The following TAS2R14 variants were observed in gnomAD, a reference collection of about 807,000 sequenced individuals.
The protein encoded by TAS2R14 is taste 2 receptor member 14, also known as taste receptor type 2 member 14.
For missense variants in TAS2R14, 383 were observed against 372.0 expected (o/e 1.03, Z -0.24); for synonymous variants, 131 against 131.0 (o/e 1.00, Z 0.00).
At chr12:10,938,848 G>C (rs1383613432) in exon 1 of TAS2R14, 1 of 1,613,614 alleles carries the variant, frequency 6.2e-7, no homozygotes, top group East Asian at 2.2e-5. Flanking sequence ...ACTTTAGGTA[G>C]AGAAAAATAG....
At chr12:10,938,430 T>A (rs762107197) in exon 1 of TAS2R14, 2 of 1,613,964 alleles carry the variant, frequency 1.2e-6, no homozygotes, top group East Asian at 2.2e-5. Flanking sequence ...ATAATTAGAT[T>A]TTCCTCCAAC....
At chr12:10,939,165 C>G in exon 1 of TAS2R14, 2 of 1,600,066 alleles carry the variant, frequency 1.2e-6, no homozygotes, top group Non-Finnish European at 1.7e-6. Flanking sequence ...ATAAATTCCA[C>G]AATTAAAACG....
chr12:10,938,199 A>C (rs1950321365), exon 1 of TAS2R14: 2 of 1,197,208 alleles, frequency 1.7e-6, no homozygotes, highest in African/African-American at 1.5e-5. Flanking sequence ...TTAAGGAAGT[A>C]TAAATTTATA....
chr12:10,938,516 T>C, exon 1 of TAS2R14: 1 of 1,614,062 alleles, frequency 6.2e-7, no homozygotes, highest in Non-Finnish European at 8.5e-7. Context: ...GATCACACTT[T>C]TAACTCCTCT....
chr12:10,937,829 T>C (rs1193726950), exon 1 of TAS2R14: 1 of 153,696 alleles, frequency 6.5e-6, no homozygotes, highest in East Asian at 1.9e-4. Flanking sequence ...TACTAAATAT[T>C]ATACAAAAAT....
chr12:10,937,510 GAGTC>G (rs1405335627), exon 1 of TAS2R14: 2 of 152,036 alleles, frequency 1.3e-5, no homozygotes, highest in African/African-American at 4.8e-5. Flanking sequence ...CTCAAAGCTA[GAGTC>G]AGTATTACGT....
chr12:10,938,901 G>C (rs772575816), exon 1 of TAS2R14: 12 of 1,613,824 alleles, frequency 7.4e-6, no homozygotes, highest in Non-Finnish European at 8.5e-6. Flanking sequence ...AAAGTACCGA[G>C]GCCTGTAGCT....
exon 1 of TAS2R14, chr12:10,938,340 C>T (rs751846547): frequency 2.9e-5 from 46 of 1,613,922 alleles, no homozygotes; most frequent in Non-Finnish European, 3.6e-5. Context: ...GACAGAGAGG[C>T]CTGTCTCAGC....
At chr12:10,937,712 T>G (rs1950311871) in exon 1 of TAS2R14, 1 of 152,254 alleles carries the variant, frequency 6.6e-6, no homozygotes, top group African/African-American at 2.4e-5. Context: ...ATTTTCTATC[T>G]GCAAAGCCAA....
rs140400917 is a variant in TAS2R14, at chr12:10,939,044, C to T, written c.164G>A (p.Arg55Gln). 347 of 1,613,742 alleles carry T rather than the reference C, an allele frequency of 2.2e-4. No homozygotes were observed. The highest frequency in any genetic ancestry group is 2.4e-4 in the Non-Finnish European group (285 of 1,179,946). ...GAATATTAACCAAACCAGGCTAATT[C>T]GAGAGATTGCCAAAGCAGTGAGGAT... Residue 55 changes from arginine (R) to glutamine (Q), a missense_variant, in exon 1 of 1, where the codon CGA (arginine) becomes CAA (glutamine). By Grantham distance (43) the Arg-to-Gln change is conservative. Transcript: ENST00000537503.
At chr12:10,938,747 G>A in exon 1 of TAS2R14, 2 of 1,613,648 alleles carry the variant, frequency 1.2e-6, no homozygotes, top group Non-Finnish European at 1.7e-6. Context: ...ATTGATACTG[G>A]CATTTATATG....
exon 1 of TAS2R14, chr12:10,938,795 G>C (rs758340538): frequency 6.2e-7 from 1 of 1,613,140 alleles, no homozygotes; most frequent in Non-Finnish European, 8.5e-7. Flanking sequence ...CAAGAAGACC[G>C]AAGTCACAAG....
exon 1 of TAS2R14, chr12:10,938,976 T>A: frequency 6.2e-7 from 1 of 1,613,362 alleles, no homozygotes; most frequent in Non-Finnish European, 8.5e-7. Context: ...ATTTTTTCAG[T>A]GGCAAATAAA....
rs1431932785 is a variant in TAS2R14 at position 10,938,673 on chromosome 12, TAA to T, written n.493-98_493-97del. The T allele has an allele frequency of 2.5e-6, 4 of 1,613,940 alleles. No individual in the cohort carries two copies. The African/African-American group carries it at 4.0e-5, about 16-fold the overall frequency. ...ATGAACACAGTGCTGGTTAATACAA[TAA>T]GACTGGAAAATCGTGTAAAGTTACT... On this transcript the variant is annotated intron_variant and non_coding_transcript_variant, in intron 4 of 4. Coordinates refer to the TAS2R14 transcript ENST00000381852.
chr12:10,938,824 C>T (rs769128277), exon 1 of TAS2R14: 3 of 1,613,500 alleles, frequency 1.9e-6, no homozygotes, highest in Non-Finnish European at 2.5e-6. Flanking sequence ...CCAAAACCAC[C>T]TTTTTAACCC....
chr12:10,938,470 A>G, exon 1 of TAS2R14: 1 of 1,614,104 alleles, frequency 6.2e-7, no homozygotes, highest in Non-Finnish European at 8.5e-7. Flanking sequence ...ATATGAAAAA[A>G]GACAGAGAGA....
chr12:10,938,564 G>A, exon 1 of TAS2R14: 3 of 1,614,044 alleles, frequency 1.9e-6, no homozygotes, highest in Non-Finnish European at 2.5e-6. Flanking sequence ...TATTTTGACA[G>A]TGTGCTGCAT....
chr12:10,938,118 A>G, exon 1 of TAS2R14: 1 of 602,016 alleles, frequency 1.7e-6, no homozygotes, highest in South Asian at 2.5e-5. Context: ...CTAATTTGTG[A>G]TATGTTTGGA....
chr12:10,938,256 A>C lies in TAS2R14; in HGVS notation c.952T>G (p.Ter318GlyextTer3), dbSNP rs1254251446. 1.9e-6 allele frequency: 3 copies of C among 1,575,742 alleles called. No individual in the cohort carries two copies. In the South Asian group the frequency reaches 3.5e-5, roughly 19 times the overall value. The change falls in exon 1 of 1, where the codon TGA (stop) becomes GGA (glycine). Residue 318 changes from the stop codon to glycine (G), a stop_lost. Transcript: ENST00000537503. ...GAGCTATTTTTTTTCTAATATATTC[A>C]AGATGATTCTCTAAATTCTTTGTGA...
Sources: allele counts gnomAD v4.1 joint callset, GRCh38; gene constraint gnomAD v4.1.1; transcripts MANE v1.5; gene names NCBI Gene and HGNC (gene_info 2026-07-23, HGNC 2026-07-21).